IFT52: variants seen among roughly 807,000 people sequenced by gnomAD.
IFT52 encodes the protein intraflagellar transport 52.
In IFT52, 44 loss-of-function variants were observed where a neutral mutation model predicts 54.4. The ratio of observed to expected loss-of-function variants is 0.81; its 90% CI spans 0.63 to 1.04. The LOEUF (loss-of-function observed/expected upper bound fraction) is 1.04, where lower values mean the gene tolerates loss of function less well. Ranked by LOEUF, IFT52 falls within the 50% of genes least tolerant of loss-of-function variation. The pLI, the probability that IFT52 is intolerant of heterozygous loss-of-function variation, is 0.00. For synonymous variants in IFT52, 181 were observed against 185.3 expected (o/e 0.98, Z 0.19); for missense variants, 452 against 523.6 (o/e 0.86, Z 1.33).
chr20:43,627,381 G>A (rs1458807088), intron 10 of IFT52, among the ~76,000 whole-genome samples: 1 of 152,228 alleles, frequency 6.6e-6, no homozygotes, highest in Admixed American at 6.5e-5. Context: ...TTAGCAACAT[G>A]GAGGTAACTG....
rs1985975304 is a variant in IFT52 at position 43,642,407 on chromosome 20, AAC to A, written c.1121-67_1121-66del. 7.8e-6 allele frequency: 11 copies of A among 1,414,698 alleles called. No homozygotes were observed. In the South Asian group the frequency reaches 1.0e-4, roughly 13 times the overall value. The allele number at this position is 1,414,698 out of a possible 1,614,324, so 87.6% of individuals were successfully genotyped here. A position where few individuals can be genotyped will look rare whatever the true frequency, so the allele number is the denominator to read the frequency against. On this transcript the variant is annotated intron_variant, in intron 12 of 13. Transcript: ENST00000373030. Reference sequence around the variant, plus strand: ...TGGAAACATGACAGGGCATACCTGAAACACACTAAGTCTGTACTTTGGGAAGG... The same window carrying A: ...TGGAAACATGACAGGGCATACCTGAAACACTAAGTCTGTACTTTGGGAAGG...
intron 5 of IFT52, 73 bp from the exon 6 acceptor site, chr20:43,604,929 G>A: frequency 6.8e-7 from 1 of 1,479,328 alleles, no homozygotes; most frequent in Non-Finnish European, 9.3e-7. Context: ...CCTCATACTT[G>A]CTGTACTAAT....
intron 6 of IFT52, among the ~76,000 whole-genome samples, chr20:43,605,659 G>C (rs564836525): frequency 2.0e-5 from 3 of 152,010 alleles, no homozygotes; most frequent in South Asian, 4.2e-4. Context: ...ATATATCCCA[G>C]TTTATCTAAC....
At position 43,599,331 on chromosome 20, in the gene IFT52, G is replaced by A. The variant is rs145017332; in HGVS notation, c.207+2809G>A. ...GAGAGGGTCAGAACCTGGTGCCTGG[G>A]CCTTTTCCCAAGTGGAGATGGGTGC... is the stretch of plus-strand genomic sequence containing the variant. On this transcript the variant is annotated intron_variant, in intron 3 of 13. Transcript: ENST00000373030. Among the ~76,000 whole-genome samples, 337 of 152,278 alleles carry A rather than the reference G, an allele frequency of 2.2e-3. 1 individual carries two copies. The highest frequency in any genetic ancestry group is 7.8e-3 in the African/African-American group (324 of 41,552).
At chr20:43,614,051 A>G in intron 7 of IFT52, 75 bp downstream of exon 7, 1 of 1,396,870 alleles carries the variant, frequency 7.2e-7, no homozygotes, top group Non-Finnish European at 1.0e-6. Flanking sequence ...TACCATTTCC[A>G]GAAGGCTTCT....
At chr20:43,602,656 A>G (rs1982553825) in intron 3 of IFT52, among the ~76,000 whole-genome samples, 1 of 151,086 alleles carries the variant, frequency 6.6e-6, no homozygotes. Context: ...CTACGGGTGC[A>G]TACCACCACG....
intron 6 of IFT52, among the ~76,000 whole-genome samples, chr20:43,606,929 A>C (rs1361117135): frequency 1.3e-5 from 2 of 152,348 alleles, no homozygotes; most frequent in Non-Finnish European, 2.9e-5. Context: ...ACAGGATCCC[A>C]AGGCAGAATT....
At chr20:43,610,458 G>T (rs1983346082) in intron 6 of IFT52, among the ~76,000 whole-genome samples, 1 of 152,018 alleles carries the variant, frequency 6.6e-6, no homozygotes, top group African/African-American at 2.4e-5. Context: ...TCTAGGCTGG[G>T]CGCAGTGACT....
Position 43,593,128 on chromosome 20 carries a change from A to T in IFT52, c.-6-1565A>T, listed in dbSNP as rs927888608. Among the ~76,000 whole-genome samples the T allele has an allele frequency of 5.9e-5, 9 of 152,304 alleles. 1 individual carries two copies. The South Asian group carries it at 1.9e-3, about 32-fold the overall frequency. On this transcript the variant is annotated intron_variant, in intron 1 of 13. Coordinates refer to ENST00000373030, the MANE Select transcript of IFT52 (RefSeq NM_016004.5). ...ATAATAATAATAAGAAGAAGTTTTTAAAAAGAAAAATTTAAAGAGAAAAAT... is the reference window on the plus strand; with the variant it reads ...ATAATAATAATAAGAAGAAGTTTTTTAAAAGAAAAATTTAAAGAGAAAAAT...
intron 3 of IFT52, among the ~76,000 whole-genome samples, chr20:43,599,188 A>C (rs1020217172): frequency 6.6e-6 from 1 of 151,860 alleles, no homozygotes; most frequent in African/African-American, 2.4e-5. Context: ...GCAGAGCAAC[A>C]CTCTATTGCT....
chr20:43,620,775 C>A, intron 8 of IFT52, 82 bp from the exon 9 acceptor site: 1 of 979,686 alleles, frequency 1.0e-6, no homozygotes, highest in Non-Finnish European at 1.6e-6. Flanking sequence ...TATCATTCTT[C>A]TTGATTTAAT....
At chr20:43,621,301 T>C (rs1212242774) in intron 9 of IFT52, among the ~76,000 whole-genome samples, 2 of 152,226 alleles carry the variant, frequency 1.3e-5, no homozygotes, top group Non-Finnish European at 2.9e-5. Context: ...ACTATAATTT[T>C]GTTGCCTTTA....
chr20:43,612,158 G>T (rs1238100208), intron 6 of IFT52, among the ~76,000 whole-genome samples: 4 of 152,110 alleles, frequency 2.6e-5, no homozygotes, highest in Non-Finnish European at 4.4e-5. Flanking sequence ...GGATAGATGT[G>T]CATTGACCTC....
At chr20:43,602,289 C>T (rs1198970266) in intron 3 of IFT52, among the ~76,000 whole-genome samples, 2 of 151,730 alleles carry the variant, frequency 1.3e-5, no homozygotes, top group African/African-American at 2.4e-5. Context: ...CTCAGCCTCC[C>T]GAGTAGCGGG....
rs762543292 is a variant in IFT52, at chr20:43,613,890, G to C, written c.526G>C (p.Val176Leu). ...FVYPFGATLS[V>L]MKPAVAVLST... ...GTATCCTTTTGGTGCCACATTGAGT[G>C]TCATGAAACCAGCAGTGGCGGTTCT... The change falls in exon 7 of 14, where the codon GTC (valine) becomes CTC (leucine). Residue 176 changes from valine to leucine, a missense_variant. Val to Leu is a conservative substitution (Grantham distance 32). Transcript: ENST00000373030. The C allele has an allele frequency of 8.7e-6, 14 of 1,614,058 alleles. No individual in the cohort carries two copies. The highest frequency in any genetic ancestry group is 1.2e-5 in the Non-Finnish European group (14 of 1,179,904).
chr20:43,604,418 C>CA (rs762616607), intron 5 of IFT52, among the ~76,000 whole-genome samples, 160 bp downstream of exon 5: 9 of 151,770 alleles, frequency 5.9e-5, no homozygotes, highest in South Asian at 4.2e-4. Flanking sequence ...TCTAAAAATA[C>CA]AAAAAAAATT....
At chr20:43,622,306 T>G (rs1266875431) in intron 9 of IFT52, among the ~76,000 whole-genome samples, 1 of 152,102 alleles carries the variant, frequency 6.6e-6, no homozygotes, top group Non-Finnish European at 1.5e-5. Context: ...GTAATATATT[T>G]AACCACTCTC....
At chr20:43,601,276 C>T (rs1479191812) in intron 3 of IFT52, among the ~76,000 whole-genome samples, 2 of 152,126 alleles carry the variant, frequency 1.3e-5, no homozygotes, top group African/African-American at 4.8e-5. Flanking sequence ...ATCATCCAGT[C>T]TCGATTACAG....
At chr20:43,607,419 G>A (rs369023383) in intron 6 of IFT52, among the ~76,000 whole-genome samples, 5,330 of 150,986 alleles carry the variant, frequency 0.035, 323 homozygotes, top group African/African-American at 0.11. Flanking sequence ...CAGACGGGGC[G>A]GCTGCCGGGC....
Sources: gnomAD v4.1 joint callset for allele counts (sites outside exome capture counted in the v4.1 genomes callset) on GRCh38, gnomAD v4.1.1 for gene constraint, MANE v1.5 for transcripts, NCBI Gene and HGNC (gene_info 2026-07-23, HGNC 2026-07-21) for gene names.